The following PRKG2 variants were observed in gnomAD, a reference collection of about 807,000 sequenced individuals.
PRKG2 encodes the protein cGMP-dependent protein kinase 2.
A neutral mutation model predicts 97.2 loss-of-function variants in PRKG2; 33 were observed. The observed-to-expected ratio is 0.34, with a 90% confidence interval of 0.26 to 0.45. PRKG2 has a LOEUF of 0.45. Among genes scored for constraint, PRKG2 ranks in the 20% least tolerant of loss-of-function variants. PRKG2 has a pLI of 1.00. For missense variants in PRKG2, 638 were observed against 900.0 expected (o/e 0.71, Z 3.73); for synonymous variants, 330 against 321.8 (o/e 1.03, Z -0.27).
At chr4:81,100,978 C>T (rs1237548644) in intron 17 of PRKG2, among the ~76,000 whole-genome samples, 1 of 152,128 alleles carries the variant, frequency 6.6e-6, no homozygotes, top group Non-Finnish European at 1.5e-5. Context: ...CTCATCATCA[C>T]TGGCCATCAG....
At chr4:81,182,240 T>C (rs1751478065) in intron 2 of PRKG2, among the ~76,000 whole-genome samples, 1 of 134,740 alleles carries the variant, frequency 7.4e-6, no homozygotes, top group Non-Finnish European at 1.5e-5. Flanking sequence ...TATTCTAGAT[T>C]AGATTGAACA....
chr4:81,193,698 G>A (rs1203708393), intron 2 of PRKG2, among the ~76,000 whole-genome samples: 4 of 151,996 alleles, frequency 2.6e-5, no homozygotes, highest in Admixed American at 2.6e-4. Context: ...AAATTAGCAG[G>A]GTGTGGTGGT....
chr4:81,138,086 T>A (rs2110032625), intron 12 of PRKG2, among the ~76,000 whole-genome samples: 1 of 152,298 alleles, frequency 6.6e-6, no homozygotes, highest in Middle Eastern at 3.4e-3. Context: ...GCTCTGCAGT[T>A]GTTGGATGCA....
intron 10 of PRKG2, among the ~76,000 whole-genome samples, 159 bp from the exon 11 acceptor site, chr4:81,143,106 C>T (rs1313182588): frequency 7.2e-5 from 11 of 152,044 alleles, no homozygotes; most frequent in African/African-American, 2.7e-4. Flanking sequence ...AGATTCAGTC[C>T]CACGCAGCGA....
chr4:81,102,858 C>T (rs1269701423), intron 17 of PRKG2, among the ~76,000 whole-genome samples: 1 of 152,088 alleles, frequency 6.6e-6, no homozygotes, highest in African/African-American at 2.4e-5. Flanking sequence ...AGCCCTTCTC[C>T]CTTTATGTTC....
intron 14 of PRKG2, among the ~76,000 whole-genome samples, chr4:81,121,081 G>A (rs936717337): frequency 1.3e-5 from 2 of 152,036 alleles, no homozygotes; most frequent in Non-Finnish European, 2.9e-5. Flanking sequence ...GCCTGCTGGT[G>A]TAATGGATTA....
intron 6 of PRKG2, among the ~76,000 whole-genome samples, chr4:81,158,321 C>A (rs1378932246): frequency 6.6e-6 from 1 of 150,770 alleles, no homozygotes; most frequent in East Asian, 1.9e-4. Context: ...GAGTGAACTC[C>A]CATTCACAAT....
At chr4:81,178,760 G>A (rs899120797) in intron 2 of PRKG2, among the ~76,000 whole-genome samples, 33 of 151,756 alleles carry the variant, frequency 2.2e-4, no homozygotes, top group African/African-American at 6.3e-4. Context: ...TTGAACATAC[G>A]TATAATCTGG....
At chr4:81,104,520 C>A in intron 16 of PRKG2, 88 bp from the exon 17 acceptor site, 2 of 598,028 alleles carry the variant, frequency 3.3e-6, no homozygotes, top group Non-Finnish European at 4.8e-6. Flanking sequence ...AACTTAACAT[C>A]TATTTGTTAA....
At chr4:81,093,348 C>G (rs528864506) in intron 17 of PRKG2, among the ~76,000 whole-genome samples, 39 of 145,756 alleles carry the variant, frequency 2.7e-4, no homozygotes, top group African/African-American at 9.3e-4. Context: ...AAAATTGAAA[C>G]TCTCCCCCAC....
At chr4:81,123,662 C>T (rs550256039) in intron 14 of PRKG2, among the ~76,000 whole-genome samples, 1 of 152,212 alleles carries the variant, frequency 6.6e-6, no homozygotes, top group Admixed American at 6.5e-5. Context: ...CCTCAGCCTC[C>T]CAAACTGCTG....
chr4:81,158,804 A>G (rs1453764749), intron 6 of PRKG2, among the ~76,000 whole-genome samples: 2 of 152,148 alleles, frequency 1.3e-5, no homozygotes, highest in East Asian at 1.9e-4. Context: ...CATATCTACA[A>G]CCATCTGATC....
rs142060010 is a variant in PRKG2 at position 81,097,155 on chromosome 4, C to A, written c.2127-4703G>T. On this transcript the variant is annotated intron_variant, in intron 17 of 18. Coordinates refer to ENST00000264399, the MANE Select transcript of PRKG2 (RefSeq NM_006259.3). ...TCCAGCCTGGGTAACAGAATGAGAC[C>A]CTCAAAAACATTAAAATTAAAAATA... Among the ~76,000 whole-genome samples the A allele has an allele frequency of 7.8e-3, 1,194 of 152,106 alleles. 18 individuals carry two copies. Among genetic ancestry groups the A allele is most frequent in the African/African-American group, 0.027 (1,109 of 41,486 alleles).
Position 81,090,357 on chromosome 4 carries a change from C to CA in PRKG2, c.2194-555dup, listed in dbSNP as rs146970060. On this transcript the variant is annotated intron_variant, in intron 18 of 18. Coordinates refer to ENST00000264399, the MANE Select transcript of PRKG2 (RefSeq NM_006259.3). ...TGGGTAACAGAGTGAGACTTTCTCTCAAAAAAAAAAAATAAGTGACAGAAA... is the reference window on the plus strand; with the variant it reads ...TGGGTAACAGAGTGAGACTTTCTCTCAAAAAAAAAAAAATAAGTGACAGAAA... 3.9e-3 allele frequency among the ~76,000 whole-genome samples: 549 copies of CA among 139,206 alleles called. 5 individuals are homozygous for CA. The highest frequency in any genetic ancestry group is 0.026 in the South Asian group (114 of 4,378). 91.3% of individuals were successfully genotyped at this position (139,206 alleles called of 152,430 possible). A position where few individuals can be genotyped will look rare whatever the true frequency, so the allele number is the denominator to read the frequency against.
chr4:81,115,998 T>C (rs1443539), intron 14 of PRKG2, among the ~76,000 whole-genome samples: 35,978 of 152,088 alleles, frequency 0.24, 5,675 homozygotes, highest in East Asian at 0.46. Context: ...TAATCTTACA[T>C]CCACAACTAT....
chr4:81,211,808 T>C (rs1453600186), intron 1 of PRKG2, among the ~76,000 whole-genome samples: 1 of 152,138 alleles, frequency 6.6e-6, no homozygotes, highest in Non-Finnish European at 1.5e-5. Context: ...GTTACAGCTA[T>C]ATGTAACACT....
chr4:81,202,612 T>C (rs1483791612), intron 2 of PRKG2, among the ~76,000 whole-genome samples: 4 of 152,136 alleles, frequency 2.6e-5, no homozygotes, highest in Non-Finnish European at 4.4e-5. Flanking sequence ...CTTGCCTTTA[T>C]GGTGAGGAGA....
Position 81,186,865 on chromosome 4 carries a change from G to C in PRKG2, c.462-11906C>G, listed in dbSNP as rs59728185. ...TAAACACCTCTACTCAAATAAACTA[G>C]AAAATCTAGAAGAAATGGATAAATA... On this transcript the variant is annotated intron_variant, in intron 2 of 18. Coordinates refer to ENST00000264399, the MANE Select transcript of PRKG2 (RefSeq NM_006259.3). Among the ~76,000 whole-genome samples, 765 of 152,098 alleles carry C rather than the reference G, an allele frequency of 5.0e-3. 6 individuals carry two copies. The highest frequency in any genetic ancestry group is 0.017 in the African/African-American group (718 of 41,510).
chr4:81,171,823 A>T lies in PRKG2; in HGVS notation c.629-19T>A, dbSNP rs1326636658. The T allele has an allele frequency of 3.3e-6, 5 of 1,515,056 alleles. No homozygotes were observed. The highest frequency in any genetic ancestry group is 3.6e-6 in the Non-Finnish European group (4 of 1,106,732). 93.9% of individuals were successfully genotyped at this position (1,515,056 alleles called of 1,614,324 possible). On this transcript the variant is annotated intron_variant, in intron 3 of 18. Coordinates refer to ENST00000264399, the MANE Select transcript of PRKG2 (RefSeq NM_006259.3). ...CGACCCTCTATCAAGCAGAATTTTA[A>T]AAAACACACACACAAATAATCGAAA...
Sources: gnomAD v4.1 joint callset for allele counts (sites outside exome capture counted in the v4.1 genomes callset) on GRCh38, gnomAD v4.1.1 for gene constraint, MANE v1.5 for transcripts, NCBI Gene and HGNC (gene_info 2026-07-23, HGNC 2026-07-21) for gene names.